Variants in SYT7 observed in about 807,000 individuals in gnomAD.
SYT7 encodes the protein synaptotagmin 7.
In SYT7, 29 loss-of-function variants were observed where a neutral mutation model predicts 75.1. That is an observed-to-expected ratio of 0.39 (90% CI 0.29 to 0.53). The LOEUF is 0.53. Ranked by LOEUF, SYT7 falls within the 20% of genes least tolerant of loss-of-function variation. The pLI is 0.77. For synonymous variants in SYT7, 376 were observed against 401.7 expected, an observed-to-expected ratio of 0.94 and a Z score of 0.76; for missense variants, 693 against 953.2, an observed-to-expected ratio of 0.73 and a Z score of 3.59.
At chr11:61,518,798 G>T (rs1196633828) in intron 12 of SYT7, 67 bp from the exon 13 acceptor site, 5 of 1,190,336 alleles carry the variant, frequency 4.2e-6, no homozygotes, top group Non-Finnish European at 4.6e-6. Context: ...CCCCCACAGG[G>T]GTGACACCCC....
At chr11:61,564,549 G>A (rs982808321) in intron 1 of SYT7, among the ~76,000 whole-genome samples, 9 of 152,210 alleles carry the variant, frequency 5.9e-5, no homozygotes, top group Non-Finnish European at 1.0e-4. Flanking sequence ...GGAACACGCA[G>A]CAGAAGAGAA....
At chr11:61,527,795 G>T in intron 9 of SYT7, 120 bp downstream of exon 9, 1 of 1,203,122 alleles carries the variant, frequency 8.3e-7, no homozygotes, top group Non-Finnish European at 1.2e-6. Context: ...TTGTGCATTT[G>T]TGGGCCTGCA....
At chr11:61,568,320 G>C (rs1011062136) in intron 1 of SYT7, among the ~76,000 whole-genome samples, 3 of 152,182 alleles carry the variant, frequency 2.0e-5, no homozygotes, top group South Asian at 4.1e-4. Context: ...ATAATACCAC[G>C]TGAAAAGCCA....
intron 12 of SYT7, among the ~76,000 whole-genome samples, chr11:61,520,282 A>G (rs1362869708): frequency 1.3e-5 from 2 of 151,800 alleles, no homozygotes; most frequent in Non-Finnish European, 2.9e-5. Flanking sequence ...CCAGCACTGT[A>G]GGAGGCCAAA....
intron 3 of SYT7, among the ~76,000 whole-genome samples, chr11:61,549,958 C>T (rs945532970): frequency 7.2e-5 from 11 of 152,302 alleles, no homozygotes; most frequent in South Asian, 2.1e-4. Flanking sequence ...CAGAGGCAGG[C>T]CCCCAGCCCT....
At chr11:61,530,054 C>CG (rs1262771397) in intron 8 of SYT7, among the ~76,000 whole-genome samples, 2 of 152,206 alleles carry the variant, frequency 1.3e-5, no homozygotes, top group African/African-American at 4.8e-5. Flanking sequence ...CAAGCACTCC[C>CG]GCTGGAACAC....
At chr11:61,531,281 G>A (rs189045913) in intron 8 of SYT7, among the ~76,000 whole-genome samples, 1 of 152,374 alleles carries the variant, frequency 6.6e-6, no homozygotes, top group East Asian at 1.9e-4. Flanking sequence ...GCTGGCTGCA[G>A]CTGTCGGCCC....
upstream of SYT7, among the ~76,000 whole-genome samples, chr11:61,582,224 G>A (rs1233005848): frequency 6.6e-6 from 1 of 152,116 alleles, no homozygotes; most frequent in Non-Finnish European, 1.5e-5. Context: ...GATGGGTCAG[G>A]TAAGAGGGCA....
In SYT7 at chr11:61,580,708, T is replaced by C; in HGVS notation, c.31+82A>G. The stretch of plus-strand genomic sequence containing the variant: ...CTCCGGGCGGACAACAGCCCCAGGC[T>C]GGGGCTCCGAGACGGCGTCCGGCGC... On this transcript the variant is annotated intron_variant, in intron 1 of 12. Coordinates refer to ENST00000539008, the MANE Select transcript of SYT7 (RefSeq NM_001365809.2). The surrounding 1 kb of genome is among the most constrained non-coding windows in gnomAD (Gnocchi z 6.1). 1.0e-6 allele frequency: 1 copy of C among 976,234 alleles called. No homozygotes were observed. Among genetic ancestry groups the C allele is most frequent in the Non-Finnish European group, 1.3e-6 (1 of 763,094 alleles). 60.5% of individuals were successfully genotyped at this position (976,234 alleles called of 1,614,324 possible).
rs1278876621 is a variant in SYT7, at chr11:61,516,118, C to T, written c.*2509G>A. ...GTGGCAAGGCTCCGGTGCCCTCCCC[C>T]CACCCTCAAGTTCCCCCATTCTCTG... On this transcript the variant is annotated 3_prime_UTR_variant, in exon 13 of 13. Coordinates refer to ENST00000539008, the MANE Select transcript of SYT7 (RefSeq NM_001365809.2). The surrounding 1 kb of genome is among the most constrained non-coding windows in gnomAD (Gnocchi z 4.6). 6.6e-6 allele frequency: 1 copy of T among 151,748 alleles called. No individual in the cohort carries two copies. The highest frequency in any genetic ancestry group is 1.5e-5 in the Non-Finnish European group (1 of 67,904). 9.4% of individuals were successfully genotyped at this position (151,748 alleles called of 1,614,324 possible). A position where few individuals can be genotyped will look rare whatever the true frequency, so the allele number is the denominator to read the frequency against.
In SYT7 at chr11:61,542,338, CCT is replaced by C; in HGVS notation, c.812_813del (p.Gln271ArgfsTer61). ...GAGCCGGCCGAGGTGCCCTGCCGAG[CCT>C]GGCCCCGGCCATAGGCCCGGGGGTT... ...GPNPRAYGRGQARQGTSAGSK... is the reference protein window; with the variant it reads ...GPNPRAYGRGXARQGTSAGSK... On this transcript the variant is annotated frameshift_variant, in exon 6 of 13. Transcript: ENST00000539008. LOFTEE classifies it high-confidence loss of function. The surrounding 1 kb of genome is among the most constrained non-coding windows in gnomAD (Gnocchi z 7.8). 1 of 1,531,082 alleles carries C rather than the reference CCT, an allele frequency of 6.5e-7. No homozygotes were observed. Among genetic ancestry groups the C allele is most frequent in the Non-Finnish European group, 8.7e-7 (1 of 1,144,488 alleles). The allele number at this position is 1,531,082 out of a possible 1,614,324, so 94.8% of individuals were successfully genotyped here.
intron 3 of SYT7, among the ~76,000 whole-genome samples, chr11:61,547,666 A>G (rs560266369): frequency 6.6e-6 from 1 of 151,170 alleles, no homozygotes; most frequent in East Asian, 2.0e-4. Flanking sequence ...CAGAGGGGAG[A>G]AGGGTTGGGG....
chr11:61,514,382 C>T lies in SYT7; in HGVS notation c.*4245G>A, dbSNP rs1159803546. On this transcript the variant is annotated 3_prime_UTR_variant, in exon 13 of 13. Coordinates refer to ENST00000539008, the MANE Select transcript of SYT7 (RefSeq NM_001365809.2). ...GGGACAGACAGCTTTGGATGGGGTA[C>T]TTAGTGCAGCTCCGGGAGGCAGCTG... Among the ~76,000 whole-genome samples, 2 of 152,186 alleles carry T rather than the reference C, an allele frequency of 1.3e-5. No individual in the cohort carries two copies. Among genetic ancestry groups the T allele is most frequent in the Non-Finnish European group, 2.9e-5 (2 of 68,040 alleles).
At chr11:61,562,914 G>A (rs1271768815) in intron 1 of SYT7, among the ~76,000 whole-genome samples, 1 of 152,182 alleles carries the variant, frequency 6.6e-6, no homozygotes, top group Non-Finnish European at 1.5e-5. Context: ...CTGGCTGCTG[G>A]GATGCCCTGG....
intron 1 of SYT7, among the ~76,000 whole-genome samples, chr11:61,569,781 G>A (rs1044429908): frequency 5.3e-5 from 8 of 152,096 alleles, no homozygotes; most frequent in South Asian, 4.1e-4. Context: ...GGAGGAGAGC[G>A]GGGGAGGACG....
chr11:61,518,755 G>A (rs370493937), intron 12 of SYT7, 24 bp from the exon 13 acceptor site: 2 of 1,503,310 alleles, frequency 1.3e-6, no homozygotes, highest in East Asian at 5.0e-5. Context: ...GGAGACGATG[G>A]CATCGGCACA....
intron 6 of SYT7, among the ~76,000 whole-genome samples, chr11:61,539,235 G>C (rs914881149): frequency 1.3e-5 from 2 of 152,170 alleles, no homozygotes; most frequent in Admixed American, 6.5e-5. Context: ...ACGGGGAGGG[G>C]GTAGGCAAGA....
chr11:61,523,645 C>T lies in SYT7; in HGVS notation c.1756+182G>A, dbSNP rs142541075. Among the ~76,000 whole-genome samples the T allele has an allele frequency of 4.6e-5, 7 of 152,198 alleles. No individual in the cohort carries two copies. The highest frequency in any genetic ancestry group is 4.1e-4 in the South Asian group (2 of 4,822). On this transcript the variant is annotated intron_variant, in intron 11 of 12. Coordinates refer to ENST00000539008, the MANE Select transcript of SYT7 (RefSeq NM_001365809.2). This position sits in a 1 kb window ranked among gnomAD's most constrained non-coding sequence, Gnocchi z 5.0. ...GACATCTTGATTCTTGAACAGAGTC[C>T]GAGATGAGGGTGCTCCAAAGGGGGG... is the stretch of plus-strand genomic sequence containing the variant.
chr11:61,533,459 C>A, intron 7 of SYT7: 1 of 985,404 alleles, frequency 1.0e-6, no homozygotes, highest in Non-Finnish European at 1.2e-6. Context: ...TGGCCACTGC[C>A]CCCAGTCCTC....
Sources: gnomAD v4.1 joint callset for allele counts (sites outside exome capture counted in the v4.1 genomes callset) on GRCh38, gnomAD v4.1.1 for gene constraint, Gnocchi (gnomAD v3.1) non-coding constraint, MANE v1.5 for transcripts, NCBI Gene and HGNC (gene_info 2026-07-23, HGNC 2026-07-21) for gene names.